The following UXS1 variants were observed in gnomAD, a reference collection of about 807,000 sequenced individuals.
UXS1 encodes UDP-glucuronate decarboxylase 1, also known as UDP-glucuronic acid decarboxylase 1.
UXS1 carries 33 observed loss-of-function variants against 62.6 expected under a neutral mutation model. The ratio of observed to expected loss-of-function variants is 0.53; its 90% CI spans 0.40 to 0.70. The LOEUF (loss-of-function observed/expected upper bound fraction) is 0.70. Ranked by LOEUF, UXS1 falls within the 30% of genes least tolerant of loss-of-function variation. UXS1 has a pLI of 0.00. For missense variants in UXS1, 434 were observed against 556.3 expected, an observed-to-expected ratio of 0.78 and a Z score of 2.21; for synonymous variants, 213 against 206.8, an observed-to-expected ratio of 1.03 and a Z score of -0.26.
intron 9 of UXS1, among the ~76,000 whole-genome samples, chr2:106,114,567 G>A (rs1327974941): frequency 6.6e-6 from 1 of 152,208 alleles, no homozygotes; most frequent in African/African-American, 2.4e-5. Context: ...TGCCTGGCAG[G>A]GGAAAAGCTC....
In UXS1 at chr2:106,194,148, A is replaced by G; in HGVS notation, c.94T>C (p.Ser32Pro). 1 of 1,474,886 alleles carries G rather than the reference A, an allele frequency of 6.8e-7. No individual in the cohort carries two copies. 91.4% of individuals were successfully genotyped at this position (1,474,886 alleles called of 1,614,324 possible). A position where few individuals can be genotyped will look rare whatever the true frequency, so the allele number is the denominator to read the frequency against. ...LGIALLAYVASVWGNFVNMSF... is the reference protein window; with the variant it reads ...LGIALLAYVAPVWGNFVNMSF... ...CAGCTGGCAGCGGGCGCGCACTCACAGGCGACGTAGGCCAGCAAGGCGATG... is the reference window on the plus strand; with the variant it reads ...CAGCTGGCAGCGGGCGCGCACTCACGGGCGACGTAGGCCAGCAAGGCGATG... Residue 32 changes from serine (S) to proline (P), a missense_variant and splice_region_variant, in exon 1 of 15, where the codon TCT becomes CCT. Physicochemically the swap from Ser to Pro is moderately conservative, Grantham distance 74. Around this residue, in one of 3 missense-constraint regions of UXS1, gnomAD observed 91 missense variants for 71.1 expected, o/e 1.28. Coordinates refer to ENST00000283148, the MANE Select transcript of UXS1 (RefSeq NM_001253875.2).
chr2:106,171,343 G>A (rs1405635871), intron 1 of UXS1, among the ~76,000 whole-genome samples: 1 of 152,130 alleles, frequency 6.6e-6, no homozygotes, highest in African/African-American at 2.4e-5. Context: ...ATAGTCATCA[G>A]CTATCATGAG....
chr2:106,140,804 G>C (rs1681038004), intron 6 of UXS1, among the ~76,000 whole-genome samples: 5 of 152,158 alleles, frequency 3.3e-5, no homozygotes, highest in Admixed American at 3.3e-4. Flanking sequence ...CTCTTCAACA[G>C]AGATACTACA....
chr2:106,138,497 G>A, intron 6 of UXS1: 1 of 985,390 alleles, frequency 1.0e-6, no homozygotes, highest in Non-Finnish European at 1.2e-6. Context: ...CACCCTTCAG[G>A]ATTTCCAGGC....
At chr2:106,127,092 T>G (rs1250826689) in intron 7 of UXS1, among the ~76,000 whole-genome samples, 2 of 152,244 alleles carry the variant, frequency 1.3e-5, no homozygotes, top group Non-Finnish European at 2.9e-5. Flanking sequence ...AATCTATTGC[T>G]GTGTAGAATT....
chr2:106,194,103 G>A (rs1189168649), intron 1 of UXS1, 45 bp downstream of exon 1: 4 of 1,409,616 alleles, frequency 2.8e-6, no homozygotes, highest in South Asian at 1.4e-5. Flanking sequence ...CCGCGGCGCC[G>A]GGGAATGAAT....
chr2:106,108,846 A>G (rs1218085477), intron 10 of UXS1, among the ~76,000 whole-genome samples: 2 of 152,196 alleles, frequency 1.3e-5, no homozygotes, highest in South Asian at 2.1e-4. Flanking sequence ...AACTTCGTTC[A>G]GCCTCGAGTA....
At chr2:106,153,591 C>T (rs561367661) in intron 5 of UXS1, among the ~76,000 whole-genome samples, 2 of 152,224 alleles carry the variant, frequency 1.3e-5, no homozygotes, top group African/African-American at 2.4e-5. Context: ...GATGAGGGCA[C>T]AGTATCCAGA....
intron 9 of UXS1, among the ~76,000 whole-genome samples, chr2:106,117,511 C>T (rs1679151068): frequency 6.7e-6 from 1 of 149,208 alleles, no homozygotes. Context: ...ACTTACTGTG[C>T]TATATCAAGC....
intron 9 of UXS1, among the ~76,000 whole-genome samples, chr2:106,119,062 T>G (rs184149322): frequency 1.2e-3 from 187 of 152,324 alleles, no homozygotes; most frequent in African/African-American, 4.0e-3. Flanking sequence ...CTCCCCAAAC[T>G]ATCTCAAAAG....
At chr2:106,169,624 G>A (rs2105073703) in intron 1 of UXS1, among the ~76,000 whole-genome samples, 1 of 152,268 alleles carries the variant, frequency 6.6e-6, no homozygotes, top group African/African-American at 2.4e-5. Context: ...AGGAGGTTGA[G>A]GCTGCAGTGA....
intron 14 of UXS1, among the ~76,000 whole-genome samples, chr2:106,096,252 G>T (rs1182619945): frequency 6.6e-6 from 1 of 151,994 alleles, no homozygotes; most frequent in Non-Finnish European, 1.5e-5. Context: ...GTGTGGATCA[G>T]TGAGTGTGCG....
chr2:106,193,613 G>C (rs1364102124), intron 1 of UXS1, among the ~76,000 whole-genome samples: 1 of 152,164 alleles, frequency 6.6e-6, no homozygotes, highest in Non-Finnish European at 1.5e-5. Context: ...CCTGGGCACG[G>C]CCGCGGGCCG....
intron 1 of UXS1, among the ~76,000 whole-genome samples, chr2:106,167,633 C>G (rs1313364215): frequency 6.6e-6 from 1 of 151,818 alleles, no homozygotes; most frequent in African/African-American, 2.4e-5. Context: ...CAATATATGA[C>G]CAAATAAATA....
At chr2:106,121,125 C>T (rs889456940) in intron 9 of UXS1, among the ~76,000 whole-genome samples, 12 of 152,276 alleles carry the variant, frequency 7.9e-5, no homozygotes, top group African/African-American at 2.6e-4. Flanking sequence ...AAATGCAGAT[C>T]CTGGCTGGAG....
chr2:106,127,630 C>T (rs1680071891), intron 7 of UXS1, among the ~76,000 whole-genome samples: 1 of 152,050 alleles, frequency 6.6e-6, no homozygotes, highest in Non-Finnish European at 1.5e-5. Flanking sequence ...GGGAGGTGGG[C>T]AAGTTACATA....
chr2:106,111,554 G>A (rs942117876), intron 10 of UXS1, among the ~76,000 whole-genome samples: 1 of 152,154 alleles, frequency 6.6e-6, no homozygotes, highest in Non-Finnish European at 1.5e-5. Context: ...TGAAGAGCGG[G>A]GGCTCTGGCT....
chr2:106,156,497 G>A (rs140999776), intron 5 of UXS1, among the ~76,000 whole-genome samples: 9 of 152,310 alleles, frequency 5.9e-5, no homozygotes, highest in Non-Finnish European at 1.3e-4. Context: ...GTTAAAGAGA[G>A]TCACCCTATG....
At chr2:106,121,447 C>T (rs538817983) in intron 9 of UXS1, among the ~76,000 whole-genome samples, 2 of 152,242 alleles carry the variant, frequency 1.3e-5, no homozygotes, top group South Asian at 4.1e-4. Context: ...GGACTGAAAG[C>T]AAAAGAAAAC....
Sources: gnomAD v4.1 joint callset for allele counts (sites outside exome capture counted in the v4.1 genomes callset) on GRCh38, gnomAD v4.1.1 for gene constraint, gnomAD v4.1.1 regional missense constraint, MANE v1.5 for transcripts, NCBI Gene and HGNC (gene_info 2026-07-23, HGNC 2026-07-21) for gene names.